Variants in ME1 observed in about 807,000 individuals in gnomAD.
The protein encoded by ME1 is malic enzyme 1.
ME1 carries 74 observed loss-of-function variants against 66.4 expected under a neutral mutation model. The observed-to-expected ratio is 1.11, with a 90% CI of 0.92 to 1.35. The LOEUF is 1.35. Ranked by LOEUF, ME1 falls within the 40% of genes most tolerant of loss-of-function variation. The pLI, the probability that ME1 is intolerant of heterozygous loss-of-function variation, is 0.00. For synonymous variants in ME1, 251 were observed against 235.6 expected (o/e 1.07, Z -0.60); for missense variants, 750 against 694.1 (o/e 1.08, Z -0.90).
At chr6:83,224,113 T>C (rs547377360) in intron 11 of ME1, among the ~76,000 whole-genome samples, 180 bp from the exon 12 acceptor site, 2 of 152,302 alleles carry the variant, frequency 1.3e-5, no homozygotes, top group South Asian at 2.1e-4. Flanking sequence ...AGTTCTGGAA[T>C]GGGTGATTAT....
At chr6:83,393,379 C>T in intron 3 of ME1, 2 of 780,832 alleles carry the variant, frequency 2.6e-6, no homozygotes, top group South Asian at 1.5e-5. Flanking sequence ...GGTGGTGGAC[C>T]TCTGCCCACA....
intron 6 of ME1, among the ~76,000 whole-genome samples, chr6:83,255,805 C>A (rs1405876037): frequency 6.6e-6 from 1 of 152,066 alleles, no homozygotes; most frequent in Non-Finnish European, 1.5e-5. Context: ...ATATTACACA[C>A]ACACACTTAC....
chr6:83,348,627 A>T (rs1768731662), intron 4 of ME1, among the ~76,000 whole-genome samples: 1 of 152,032 alleles, frequency 6.6e-6, no homozygotes, highest in South Asian at 2.1e-4. Context: ...CAAGTGGCAT[A>T]ACTTTTCACT....
chr6:83,291,365 T>C (rs982517700), intron 6 of ME1, among the ~76,000 whole-genome samples: 1 of 152,242 alleles, frequency 6.6e-6, no homozygotes, highest in Non-Finnish European at 1.5e-5. Context: ...ATTTTATTTC[T>C]CCTTCACTTA....
chr6:83,404,405 T>C (rs1237615778), intron 2 of ME1, among the ~76,000 whole-genome samples: 1 of 152,230 alleles, frequency 6.6e-6, no homozygotes, highest in East Asian at 1.9e-4. Context: ...TATTAGCCTT[T>C]TGTCAGATTG....
intron 5 of ME1, among the ~76,000 whole-genome samples, chr6:83,319,890 T>G (rs1583378389): frequency 6.6e-6 from 1 of 152,152 alleles, no homozygotes. Flanking sequence ...GGTTATTCTG[T>G]CCCTGCCTCA....
intron 1 of ME1, among the ~76,000 whole-genome samples, chr6:83,426,830 T>C (rs1034057856): frequency 3.9e-5 from 6 of 152,316 alleles, no homozygotes; most frequent in Non-Finnish European, 8.8e-5. Flanking sequence ...GATTTACTTA[T>C]GGGTCATGTT....
intron 6 of ME1, among the ~76,000 whole-genome samples, chr6:83,298,931 G>GGTT (rs1767655458): frequency 4.5e-5 from 1 of 22,458 alleles, no homozygotes. Context: ...CTATGTGTCT[G>GGTT]TTTTTTTTTT....
intron 7 of ME1, among the ~76,000 whole-genome samples, chr6:83,244,992 A>C (rs1790591725): frequency 1.3e-5 from 2 of 152,156 alleles, no homozygotes; most frequent in African/African-American, 2.4e-5. Context: ...CCTGTGACCT[A>C]TCAAAGAGCC....
chr6:83,344,784 G>A (rs1262220690), intron 5 of ME1, among the ~76,000 whole-genome samples: 1 of 151,926 alleles, frequency 6.6e-6, no homozygotes, highest in Non-Finnish European at 1.5e-5. Flanking sequence ...TTGGGAGGCT[G>A]AGGCAGGAGA....
chr6:83,244,227 A>G (rs1454024264), intron 7 of ME1, among the ~76,000 whole-genome samples: 2 of 152,178 alleles, frequency 1.3e-5, no homozygotes, highest in African/African-American at 4.8e-5. Flanking sequence ...ACTGAAAAGG[A>G]AGATTACCTA....
intron 9 of ME1, 89 bp downstream of exon 9, chr6:83,237,628 G>T: frequency 1.6e-6 from 1 of 631,982 alleles, no homozygotes; most frequent in Non-Finnish European, 2.8e-6. Context: ...ATAGTGTAAA[G>T]GGAGGTGGTA....
At chr6:83,237,997 T>G (rs1790447359) in intron 8 of ME1, among the ~76,000 whole-genome samples, 167 bp from the exon 9 acceptor site, 1 of 152,202 alleles carries the variant, frequency 6.6e-6, no homozygotes, top group Non-Finnish European at 1.5e-5. Context: ...GAGCCACTAT[T>G]ATGTGGCTTG....
chr6:83,237,595 T>C, intron 9 of ME1, 122 bp downstream of exon 9: 1 of 524,518 alleles, frequency 1.9e-6, no homozygotes, highest in Non-Finnish European at 3.4e-6. Context: ...TGATCATTTG[T>C]ATTTAATGGC....
chr6:83,262,865 C>T (rs991425048), intron 6 of ME1, among the ~76,000 whole-genome samples: 12 of 152,178 alleles, frequency 7.9e-5, no homozygotes, highest in African/African-American at 2.9e-4. Context: ...TTTCATACTA[C>T]AAGAATACAG....
chr6:83,382,757 G>A (rs1017323780), intron 3 of ME1, among the ~76,000 whole-genome samples: 27 of 152,194 alleles, frequency 1.8e-4, no homozygotes, highest in African/African-American at 6.3e-4. Flanking sequence ...GCAACTCAGA[G>A]TAGAGTTGGA....
At chr6:83,316,684 A>G (rs2128539511) in intron 5 of ME1, among the ~76,000 whole-genome samples, 1 of 152,150 alleles carries the variant, frequency 6.6e-6, no homozygotes, top group African/African-American at 2.4e-5. Flanking sequence ...AAATCTACCA[A>G]AAAAAATCCC....
At chr6:83,394,764 G>C (rs922043522) in intron 3 of ME1, among the ~76,000 whole-genome samples, 3 of 152,154 alleles carry the variant, frequency 2.0e-5, no homozygotes, top group East Asian at 1.9e-4. Flanking sequence ...TTGAACTTTT[G>C]TTATTGCTGT....
chr6:83,393,558 G>A (rs1398751925), intron 3 of ME1: 18 of 240,906 alleles, frequency 7.5e-5, no homozygotes, highest in African/African-American at 1.4e-4. Context: ...GGGAGGAGCC[G>A]AGGGAGCCCC....
Sources: gnomAD v4.1 joint callset for allele counts (sites outside exome capture counted in the v4.1 genomes callset) on GRCh38, gnomAD v4.1.1 for gene constraint, MANE v1.5 for transcripts, NCBI Gene and HGNC (gene_info 2026-07-23, HGNC 2026-07-21) for gene names.